The following INSL6 variants were observed in gnomAD, a reference collection of about 807,000 sequenced individuals.
INSL6 encodes insulin like 6, also known as insulin-like peptide INSL6.
In INSL6, 16 loss-of-function variants were observed where a neutral mutation model predicts 9.4. The observed-to-expected ratio is 1.70, with a 90% confidence interval of 1.15 to 2.59. The LOEUF is 2.59. INSL6 is among the 30% of genes most tolerant of loss of function. INSL6 has a pLI of 0.00. For missense variants in INSL6, 391 were observed against 257.3 expected, an observed-to-expected ratio of 1.52 and a Z score of -3.56; for synonymous variants, 154 against 96.9, an observed-to-expected ratio of 1.59 and a Z score of -3.46.
the INSL6 span, among the ~76,000 whole-genome samples, chr9:4,997,041 A>G: frequency 1.4e-5 from 2 of 145,596 alleles, no homozygotes; most frequent in Non-Finnish European, 3.0e-5. Context: ...TGATCCTCCT[A>G]CCTCAGCCTC....
the INSL6 span, among the ~76,000 whole-genome samples, chr9:4,994,402 C>T: frequency 1.3e-5 from 2 of 152,164 alleles, no homozygotes; most frequent in Non-Finnish European, 2.9e-5. Flanking sequence ...GCCCCACCCC[C>T]AGAGTTTGTT....
the INSL6 span, among the ~76,000 whole-genome samples, chr9:5,036,209 G>T: frequency 6.6e-6 from 1 of 152,096 alleles, no homozygotes; most frequent in Non-Finnish European, 1.5e-5. Flanking sequence ...ACAAACCACT[G>T]CTCAATGAAG....
the INSL6 span, among the ~76,000 whole-genome samples, chr9:5,073,176 G>A: frequency 6.6e-6 from 1 of 152,218 alleles, no homozygotes; most frequent in Non-Finnish European, 1.5e-5. Context: ...TTCTAATCCA[G>A]AATACCACAG....
chr9:5,020,920 G>A, the INSL6 span, among the ~76,000 whole-genome samples: 1 of 152,138 alleles, frequency 6.6e-6, no homozygotes, highest in Non-Finnish European at 1.5e-5. Context: ...GCACCGTGCT[G>A]TAGCTGCTTA....
At chr9:5,016,684 C>G in the INSL6 span, among the ~76,000 whole-genome samples, 2 of 152,168 alleles carry the variant, frequency 1.3e-5, no homozygotes, top group African/African-American at 2.4e-5. Flanking sequence ...AGAGTATCAC[C>G]TGAATTACTG....
chr9:5,112,581 T>G, the INSL6 span: 1 of 715,266 alleles, frequency 1.4e-6, no homozygotes, highest in Non-Finnish European at 2.3e-6. Context: ...TGCGGGTCCC[T>G]TAAGAGGGCT....
chr9:5,181,864 A>T (rs981733004), intron 1 of INSL6, among the ~76,000 whole-genome samples: 1 of 152,224 alleles, frequency 6.6e-6, no homozygotes, highest in Non-Finnish European at 1.5e-5. Flanking sequence ...AGAGCAAGTT[A>T]AAATAGAAAT....
chr9:5,041,376 G>T, the INSL6 span: 2 of 625,080 alleles, frequency 3.2e-6, no homozygotes, highest in African/African-American at 3.6e-5. Flanking sequence ...ATGCACCTGG[G>T]CAAGGAGCAG....
chr9:5,152,458 G>A (rs1273852136), intron 2 of INSL6, among the ~76,000 whole-genome samples: 1 of 151,568 alleles, frequency 6.6e-6, no homozygotes, highest in Non-Finnish European at 1.5e-5. Context: ...ATAACCCATG[G>A]GTCAAGAAAA....
chr9:5,090,327 T>TAA, the INSL6 span: 1 of 698,314 alleles, frequency 1.4e-6, no homozygotes, highest in Non-Finnish European at 2.1e-6. Flanking sequence ...TAATGTATAA[T>TAA]AAAGTTTTGT....
At chr9:5,003,917 A>T in the INSL6 span, among the ~76,000 whole-genome samples, 1 of 152,078 alleles carries the variant, frequency 6.6e-6, no homozygotes, top group Non-Finnish European at 1.5e-5. Context: ...GTTAAATTTT[A>T]TTAGGAGTAG....
At chr9:5,096,252 A>G in the INSL6 span, among the ~76,000 whole-genome samples, 1 of 152,178 alleles carries the variant, frequency 6.6e-6, no homozygotes, top group African/African-American at 2.4e-5. Flanking sequence ...CACTGATTCT[A>G]GTTATAACTT....
At chr9:5,152,901 A>T (rs1371869627) in intron 2 of INSL6, among the ~76,000 whole-genome samples, 1 of 152,298 alleles carries the variant, frequency 6.6e-6, no homozygotes. Flanking sequence ...AAGGAGGGCG[A>T]GCTGAAGCAC....
At chr9:5,085,960 T>C in the INSL6 span, 1 of 1,120,778 alleles carries the variant, frequency 8.9e-7, no homozygotes, top group Admixed American at 1.7e-5. Context: ...TCGGTGTATT[T>C]CTCACCACTG....
downstream of INSL6, chr9:5,122,980 T>C: frequency 6.8e-7 from 1 of 1,466,616 alleles, no homozygotes; most frequent in Non-Finnish European, 9.4e-7. Flanking sequence ...AACTGTCTTT[T>C]AAATGTTATT....
chr9:5,175,009 G>A (rs1429112812), intron 1 of INSL6, among the ~76,000 whole-genome samples: 12 of 150,990 alleles, frequency 7.9e-5, no homozygotes, highest in African/African-American at 2.4e-4. Context: ...GCGTTATCTC[G>A]GCTCACTGCA....
the INSL6 span, among the ~76,000 whole-genome samples, chr9:4,993,403 T>C: frequency 6.6e-6 from 1 of 152,248 alleles, no homozygotes; most frequent in Non-Finnish European, 1.5e-5. Context: ...CTTGAAATTC[T>C]ACTCAAAAAA....
chr9:5,161,050 G>T (rs965807445), downstream of INSL6, among the ~76,000 whole-genome samples: 1 of 152,026 alleles, frequency 6.6e-6, no homozygotes, highest in African/African-American at 2.4e-5. Context: ...AATCCAAAAA[G>T]TAGACGTGGA....
chr9:5,072,519 A>G, the INSL6 span: 1 of 1,596,908 alleles, frequency 6.3e-7, no homozygotes, highest in Non-Finnish European at 8.5e-7. Context: ...AGGCACTTTT[A>G]CAAAGATTTT....
Sources: gnomAD v4.1 joint callset for allele counts (sites outside exome capture counted in the v4.1 genomes callset) on GRCh38, gnomAD v4.1.1 for gene constraint, MANE v1.5 for transcripts, NCBI Gene and HGNC (gene_info 2026-07-23, HGNC 2026-07-21) for gene names.